Variants in ERCC6L2 observed in about 807,000 individuals in gnomAD.
ERCC6L2 encodes the protein DNA excision repair protein ERCC-6-like 2.
ERCC6L2 carries 77 observed loss-of-function variants against 132.0 expected under a neutral mutation model. That is an observed-to-expected ratio of 0.58 (90% confidence interval 0.49 to 0.71). ERCC6L2 has a LOEUF of 0.71. ERCC6L2 is among the 30% of genes least tolerant of loss of function. The pLI is 0.00. For missense variants in ERCC6L2, 1,542 were observed against 1,837.6 expected (o/e 0.84, Z 2.94); for synonymous variants, 583 against 632.4 (o/e 0.92, Z 1.17).
chr9:95,971,943 C>A lies in ERCC6L2; in HGVS notation c.2192C>A (p.Pro731His). The change falls in exon 16 of 19, where the codon CCT (proline) becomes CAT (histidine). Residue 731 changes from proline to histidine, a missense_variant. Around this residue, in one of 4 missense-constraint regions of ERCC6L2, gnomAD observed 945 missense variants for 1,105.2 expected, o/e 0.86. Coordinates refer to ENST00000653738, the MANE Select transcript of ERCC6L2 (RefSeq NM_020207.7). ...TTGTTTCTCCTATAGCCTAGACAGC[C>A]TGACTGTCAGGAATGCAGAGGTACA... ...PAHKLEMPRQ[P>H]DCQECRGTEQ... The A allele has an allele frequency of 7.7e-7, 1 of 1,297,390 alleles. No homozygotes were observed. The highest frequency in any genetic ancestry group is 1.0e-6 in the Non-Finnish European group (1 of 984,716). 80.4% of individuals were successfully genotyped at this position (1,297,390 alleles called of 1,614,324 possible). A position where few individuals can be genotyped will look rare whatever the true frequency, so the allele number is the denominator to read the frequency against.
chr9:95,898,642 T>A (rs954246011), intron 3 of ERCC6L2, among the ~76,000 whole-genome samples: 13 of 152,144 alleles, frequency 8.5e-5, no homozygotes, highest in African/African-American at 2.9e-4. Context: ...ACATGTCTTT[T>A]AAAAAATATT....
chr9:96,026,625 T>A (rs970448715), intron 19 of ERCC6L2, among the ~76,000 whole-genome samples: 1 of 141,030 alleles, frequency 7.1e-6, no homozygotes, highest in African/African-American at 2.7e-5. Context: ...CACCACACTA[T>A]ACACACCACA....
At chr9:96,018,640 T>G (rs1220959448), downstream of ERCC6L2, among the ~76,000 whole-genome samples, 1 of 151,756 alleles carries the variant, frequency 6.6e-6, no homozygotes, top group Non-Finnish European at 1.5e-5. Context: ...TTTGCATTTT[T>G]TTTTTTTTTT....
intron 17 of ERCC6L2, among the ~76,000 whole-genome samples, chr9:95,987,892 C>T (rs570550849): frequency 1.3e-5 from 2 of 152,354 alleles, no homozygotes; most frequent in Non-Finnish European, 2.9e-5. Context: ...CCTTTAAAAT[C>T]TAGGTGATGG....
Position 95,916,253 on chromosome 9 carries a change from GGACCTACTTCAAGAAGCAGTTTTCT to G in ERCC6L2, c.982_1006del (p.Tyr328GlnfsTer2). On this transcript the variant is annotated frameshift_variant, in exon 6 of 19. Coordinates refer to ENST00000653738, the MANE Select transcript of ERCC6L2 (RefSeq NM_020207.7). LOFTEE classifies it high-confidence loss of function. Reference sequence around the variant, plus strand: ...GCTGTGCCAGGCCTTTTAGGGAGTGGGACCTACTTCAAGAAGCAGTTTTCTGACCCAGTAGAACATGGTCAGAGAC... The same window carrying G: ...GCTGTGCCAGGCCTTTTAGGGAGTGGGACCCAGTAGAACATGGTCAGAGAC... 5 of 1,613,938 alleles carry G rather than the reference GGACCTACTTCAAGAAGCAGTTTTCT, an allele frequency of 3.1e-6. No homozygotes were observed. The highest frequency in any genetic ancestry group is 4.2e-6 in the Non-Finnish European group (5 of 1,179,958).
At chr9:95,927,213 A>C (rs1048962922) in intron 9 of ERCC6L2, among the ~76,000 whole-genome samples, 1 of 152,098 alleles carries the variant, frequency 6.6e-6, no homozygotes, top group African/African-American at 2.4e-5. Context: ...AGGGGGAGGT[A>C]GAGGTCAAAG....
intron 19 of ERCC6L2, chr9:96,025,698 T>G (rs1352771632): frequency 2.0e-5 from 3 of 152,188 alleles, no homozygotes; most frequent in Non-Finnish European, 4.4e-5. Context: ...TTGTTGAACT[T>G]TTTCATTTTG....
At chr9:95,921,467 A>G (rs1829866043) in intron 7 of ERCC6L2, 152 bp downstream of exon 7, 1 of 488,900 alleles carries the variant, frequency 2.0e-6, no homozygotes, top group Non-Finnish European at 3.3e-6. Context: ...ATATTTTACA[A>G]TATCAAATAG....
At chr9:96,028,094 C>T (rs1834407184) in intron 19 of ERCC6L2, 1 of 152,252 alleles carries the variant, frequency 6.6e-6, no homozygotes, top group African/African-American at 2.4e-5. Flanking sequence ...GGGCACCCTG[C>T]AAACTGTAAC....
intron 12 of ERCC6L2, among the ~76,000 whole-genome samples, chr9:95,949,602 A>G (rs1373632597): frequency 6.6e-6 from 1 of 152,240 alleles, no homozygotes; most frequent in East Asian, 1.9e-4. Flanking sequence ...AAACAAAGAA[A>G]AAGTGTTTAC....
At chr9:95,936,206 A>G (rs1017755845) in intron 11 of ERCC6L2, among the ~76,000 whole-genome samples, 3 of 152,230 alleles carry the variant, frequency 2.0e-5, no homozygotes, top group Non-Finnish European at 4.4e-5. Context: ...AGAAGTCTAT[A>G]GTGATACTTA....
At chr9:95,887,700 T>A (rs1827947634) in intron 2 of ERCC6L2, among the ~76,000 whole-genome samples, 1 of 152,172 alleles carries the variant, frequency 6.6e-6, no homozygotes, top group South Asian at 2.1e-4. Flanking sequence ...GAAATGGGAT[T>A]GCTGATAATT....
chr9:95,920,786 A>AT (rs1474647284), intron 6 of ERCC6L2, among the ~76,000 whole-genome samples: 5 of 151,870 alleles, frequency 3.3e-5, no homozygotes, highest in South Asian at 2.1e-4. Flanking sequence ...AATTTTCACT[A>AT]TTTTTTTTGA....
intron 17 of ERCC6L2, among the ~76,000 whole-genome samples, chr9:95,988,391 G>A (rs1307596267): frequency 6.6e-6 from 1 of 152,250 alleles, no homozygotes; most frequent in Non-Finnish European, 1.5e-5. Flanking sequence ...TTTTGGAGAC[G>A]TCAGTCATCT....
rs1182315095 is a variant in ERCC6L2, at chr9:95,885,459, AAAATT to A, written c.471+4170_471+4174del. 3.9e-5 allele frequency among the ~76,000 whole-genome samples: 6 copies of A among 152,338 alleles called. No individual in the cohort carries two copies. The East Asian group carries it at 9.6e-4, about 24-fold the overall frequency. On this transcript the variant is annotated intron_variant, in intron 2 of 18. Transcript: ENST00000653738. The stretch of plus-strand genomic sequence containing the variant: ...CTATTTTTGGTTTTAGTGGGACTGA[AAAATT>A]AAAGATACTTGAGGAAATTTTAATA...
At chr9:96,036,741 A>AATTATTATT (rs376440816) in intron 19 of ERCC6L2, among the ~76,000 whole-genome samples, 3 of 143,000 alleles carry the variant, frequency 2.1e-5, no homozygotes, top group Non-Finnish European at 3.1e-5. Context: ...CATTTTTTTA[A>AATTATTATT]ATTATTATTA....
chr9:95,944,850 G>T (rs189402971), intron 12 of ERCC6L2, among the ~76,000 whole-genome samples: 27 of 152,252 alleles, frequency 1.8e-4, no homozygotes, highest in Admixed American at 1.8e-3. Context: ...AAAGGGGAGG[G>T]AGTGTACGAA....
At chr9:95,975,157 C>T (rs1832609698) in intron 16 of ERCC6L2, among the ~76,000 whole-genome samples, 1 of 152,106 alleles carries the variant, frequency 6.6e-6, no homozygotes, top group Admixed American at 6.6e-5. Flanking sequence ...AGATACATTG[C>T]ATTGTATACT....
intron 2 of ERCC6L2, among the ~76,000 whole-genome samples, chr9:95,891,241 A>G (rs1828147276): frequency 6.6e-6 from 1 of 152,150 alleles, no homozygotes. Context: ...TGTTTATTGA[A>G]TCATTGATAT....
Sources: allele counts gnomAD v4.1 joint callset (sites outside exome capture counted in the v4.1 genomes callset), GRCh38; gene constraint gnomAD v4.1.1; regional missense constraint gnomAD v4.1.1; transcripts MANE v1.5; gene names NCBI Gene and HGNC (gene_info 2026-07-23, HGNC 2026-07-21).